BNIP2: variants seen among roughly 807,000 people sequenced by gnomAD.
BNIP2 encodes the protein BCL2/adenovirus E1B 19 kDa protein-interacting protein 2.
In BNIP2, 36 loss-of-function variants were observed where a neutral mutation model predicts 43.4. That is an observed-to-expected ratio of 0.83 (90% confidence interval 0.64 to 1.10). BNIP2 has a LOEUF of 1.10. Among genes scored for constraint, BNIP2 ranks in the 50% least tolerant of loss-of-function variants. The pLI, the probability that BNIP2 is intolerant of heterozygous loss-of-function variation, is 0.00. For missense variants in BNIP2, 417 were observed against 374.1 expected (o/e 1.11, Z -0.95); for synonymous variants, 146 against 121.0 (o/e 1.21, Z -1.35).
rs1892879932 is a variant in BNIP2 at position 59,671,170 on chromosome 15, G to T, written c.707+13C>A. ...ATTTTTTCAGACTAGCTTTCAACTT[G>T]TATTTGTATTACCTTCTATCAATTT... On this transcript the variant is annotated intron_variant, in intron 7 of 9. Coordinates refer to ENST00000607373, the MANE Select transcript of BNIP2 (RefSeq NM_004330.4). The T allele has an allele frequency of 1.3e-6, 2 of 1,568,974 alleles. No individual in the cohort carries two copies. The highest frequency in any genetic ancestry group is 2.4e-5 in the South Asian group (2 of 84,484).
chr15:59,679,976 A>C (rs1168443746), intron 3 of BNIP2, among the ~76,000 whole-genome samples: 7 of 152,166 alleles, frequency 4.6e-5, no homozygotes, highest in Non-Finnish European at 7.4e-5. Context: ...ATGTCTTTTA[A>C]ATAGAGGCAG....
chr15:59,664,241 G>A (rs934937581), intron 9 of BNIP2, 121 bp from the exon 10 acceptor site: 2 of 584,540 alleles, frequency 3.4e-6, no homozygotes, highest in East Asian at 6.6e-5. Context: ...CAAAGAAGCA[G>A]ACATAGTAAA....
chr15:59,665,314 A>C (rs758688704), intron 9 of BNIP2: 1 of 151,932 alleles, frequency 6.6e-6, no homozygotes, highest in African/African-American at 2.4e-5. Flanking sequence ...AAAATATCTA[A>C]TATAAATTAA....
rs763698852 is a variant in BNIP2 at position 59,679,555 on chromosome 15, T to C, written c.295+37A>G. On this transcript the variant is annotated intron_variant, in intron 4 of 9. Transcript: ENST00000607373. ...ATTTCAAACAAAATCCCTTAGTACA[T>C]TAATAAAGATCAGATTAAAAACAGT... 9.5e-6 allele frequency: 15 copies of C among 1,578,604 alleles called. No individual in the cohort carries two copies. In the Admixed American group the frequency reaches 2.7e-4, roughly 29 times the overall value.
At position 59,660,113 on chromosome 15, in the gene BNIP2, C is replaced by T. The variant is rs373000988; in HGVS notation, c.*3956G>A. On this transcript the variant is annotated 3_prime_UTR_variant, in exon 10 of 10. Coordinates refer to ENST00000607373, the MANE Select transcript of BNIP2 (RefSeq NM_004330.4). ...TACCCCACTTCCCTCACCAGTTGGC[C>T]TTCCCATTCAAGTCTAAGTTCTTGA... 6.6e-6 allele frequency: 1 copy of T among 152,142 alleles called. No individual in the cohort carries two copies. Among genetic ancestry groups the T allele is most frequent in the South Asian group, 2.1e-4 (1 of 4,834 alleles). 9.4% of individuals were successfully genotyped at this position (152,142 alleles called of 1,614,324 possible).
rs1263148732 is a variant in BNIP2, at chr15:59,661,585, G to C, written c.*2484C>G. On this transcript the variant is annotated 3_prime_UTR_variant, in exon 10 of 10. Coordinates refer to ENST00000607373, the MANE Select transcript of BNIP2 (RefSeq NM_004330.4). ...TAGGAGTATGATCAAGCAGAACACAGAATCAAATTATTTCACATGAAAAAC... is the reference window on the plus strand; with the variant it reads ...TAGGAGTATGATCAAGCAGAACACACAATCAAATTATTTCACATGAAAAAC... 1.3e-5 allele frequency: 2 copies of C among 152,052 alleles called. No individual in the cohort carries two copies. Among genetic ancestry groups the C allele is most frequent in the African/African-American group, 2.4e-5 (1 of 41,406 alleles). The allele number at this position is 152,052 out of a possible 1,614,324, so 9.4% of individuals were successfully genotyped here.
In BNIP2 at chr15:59,689,276, C is replaced by T. The variant is rs1380375239; in HGVS notation, c.-199G>A. On this transcript the variant is annotated 5_prime_UTR_variant, in exon 1 of 10. Coordinates refer to ENST00000607373, the MANE Select transcript of BNIP2 (RefSeq NM_004330.4). ...TGGAGACCCCGGCCCAATCCCCCGG[C>T]CGCAGCGGTACGGCGTCGGCGGCAG... The T allele has an allele frequency of 5.2e-6, 8 of 1,545,776 alleles. No homozygotes were observed. Among genetic ancestry groups the T allele is most frequent in the East Asian group, 2.4e-5 (1 of 40,830 alleles).
chr15:59,682,551 T>G (rs746428530), intron 1 of BNIP2, 37 bp from the exon 2 acceptor site: 3 of 1,527,964 alleles, frequency 2.0e-6, no homozygotes, highest in Non-Finnish European at 2.7e-6. Context: ...TAATTTCCAC[T>G]TTACTTTTTA....
In BNIP2 at chr15:59,669,355, T is replaced by G. The variant is rs1170491005; in HGVS notation, c.715A>C (p.Lys239Gln). The change falls in exon 8 of 10, where the codon AAA becomes CAA. Residue 239 changes from lysine (K) to glutamine (Q), a missense_variant. Physicochemically the swap from Lys to Gln is moderately conservative, Grantham distance 53. Transcript: ENST00000607373. ...CYQQIDRRLR[K>Q]NLKSLIIVHP... ...ACAATGATTAGGGATTTTAGATTTTTCCGTAACCTGGAGTTTAAAAAAAAA... is the reference window on the plus strand; with the variant it reads ...ACAATGATTAGGGATTTTAGATTTTGCCGTAACCTGGAGTTTAAAAAAAAA... The G allele has an allele frequency of 6.6e-7, 1 of 1,520,018 alleles. No individual in the cohort carries two copies. Among genetic ancestry groups the G allele is most frequent in the Admixed American group, 2.3e-5 (1 of 44,338 alleles). 94.2% of individuals were successfully genotyped at this position (1,520,018 alleles called of 1,614,324 possible).
At chr15:59,675,165 C>T (rs369020408) in intron 5 of BNIP2, among the ~76,000 whole-genome samples, 33 of 151,294 alleles carry the variant, frequency 2.2e-4, no homozygotes, top group African/African-American at 7.8e-4. Context: ...TGGCGTATCG[C>T]TTGAGCCTGG....
At chr15:59,671,492 A>C (rs1419417844) in intron 6 of BNIP2, among the ~76,000 whole-genome samples, 178 bp from the exon 7 acceptor site, 4 of 152,332 alleles carry the variant, frequency 2.6e-5, no homozygotes, top group Admixed American at 2.6e-4. Flanking sequence ...ATATATTTTG[A>C]AATGTTTCTA....
chr15:59,678,707 T>C (rs1893464887), intron 4 of BNIP2: 5 of 1,224,474 alleles, frequency 4.1e-6, no homozygotes, highest in Admixed American at 6.6e-5. Context: ...TGATTTTCAA[T>C]GTAGTAATAA....
intron 9 of BNIP2, among the ~76,000 whole-genome samples, chr15:59,667,466 C>A (rs546443903): frequency 1.3e-5 from 2 of 152,078 alleles, no homozygotes; most frequent in Non-Finnish European, 2.9e-5. Context: ...TCATCTATGT[C>A]AAGGTATCAA....
At chr15:59,681,537 C>T (rs1282930306) in intron 2 of BNIP2, among the ~76,000 whole-genome samples, 1 of 151,740 alleles carries the variant, frequency 6.6e-6, no homozygotes, top group African/African-American at 2.4e-5. Flanking sequence ...CAACCCCTGC[C>T]TCCTGGGTTC....
intron 8 of BNIP2, 84 bp from the exon 9 acceptor site, chr15:59,669,074 C>T: frequency 7.8e-7 from 1 of 1,278,130 alleles, no homozygotes. Context: ...AAAATCATGT[C>T]ATTTTGAATG....
At chr15:59,675,797 A>G (rs1216104181) in intron 5 of BNIP2, among the ~76,000 whole-genome samples, 1 of 152,226 alleles carries the variant, frequency 6.6e-6, no homozygotes, top group Non-Finnish European at 1.5e-5. Context: ...GAAGGAATGT[A>G]CTGTGGATAC....
At chr15:59,688,572 G>C (rs8040978) in intron 1 of BNIP2, 2 of 819,142 alleles carry the variant, frequency 2.4e-6, no homozygotes, top group East Asian at 2.8e-5. Context: ...AAACCATTTT[G>C]CCAGGTATTT....
At chr15:59,683,999 G>C (rs1893860224) in intron 1 of BNIP2, among the ~76,000 whole-genome samples, 2 of 152,178 alleles carry the variant, frequency 1.3e-5, no homozygotes, top group Admixed American at 1.3e-4. Flanking sequence ...ATGTCCTATA[G>C]CTATCTTATC....
intron 5 of BNIP2, 51 bp downstream of exon 5, chr15:59,677,860 A>G (rs1893404594): frequency 2.6e-6 from 4 of 1,546,868 alleles, no homozygotes; most frequent in Non-Finnish European, 2.6e-6. Context: ...CAAAAAAAAA[A>G]GAATTCTGAT....
Sources: gnomAD v4.1 joint callset for allele counts (sites outside exome capture counted in the v4.1 genomes callset) on GRCh38, gnomAD v4.1.1 for gene constraint, MANE v1.5 for transcripts, NCBI Gene and HGNC (gene_info 2026-07-23, HGNC 2026-07-21) for gene names.